The following VARS1 variants were observed in gnomAD, a reference collection of about 807,000 sequenced individuals.
VARS1 encodes the protein valyl-tRNA synthetase 1, also known as valine--tRNA ligase.
In VARS1, 92 loss-of-function variants were observed where a neutral mutation model predicts 161.0. The ratio of observed to expected loss-of-function variants is 0.57; its 90% CI spans 0.48 to 0.68. The LOEUF (loss-of-function observed/expected upper bound fraction) is 0.68, where lower values mean the gene tolerates loss of function less well. VARS1 is among the 30% of genes least tolerant of loss of function. VARS1 has a pLI of 0.00. For synonymous variants in VARS1, 595 were observed against 682.5 expected (o/e 0.87, Z 2.00); for missense variants, 1,338 against 1,695.9 (o/e 0.79, Z 3.71).
At chr6:31,783,815 C>G (rs1267135884) in intron 13 of VARS1, among the ~76,000 whole-genome samples, 2 of 152,118 alleles carry the variant, frequency 1.3e-5, no homozygotes, top group African/African-American at 4.8e-5. Context: ...GCACCCGCCA[C>G]TACAACTGGC....
At chr6:31,786,665 CAAAAAAA>C (rs9279417) in intron 8 of VARS1, among the ~76,000 whole-genome samples, 4 of 31,610 alleles carry the variant, frequency 1.3e-4, no homozygotes, top group Admixed American at 9.4e-4. Context: ...GACTCTGTCT[CAAAAAAA>C]AAAAAAAAAA....
Position 31,777,776 on chromosome 6 carries a change from AGAG to A in VARS1, c.3727-117_3727-115del. 1 of 1,281,406 alleles carries A rather than the reference AGAG, an allele frequency of 7.8e-7. No individual in the cohort carries two copies. The highest frequency in any genetic ancestry group is 1.1e-6 in the Non-Finnish European group (1 of 910,048). 79.4% of individuals were successfully genotyped at this position (1,281,406 alleles called of 1,614,324 possible). ...GAGGACCATGGGAGGTCAGTAGCTC[AGAG>A]GAGGCGTGAACCTGGCTGGCCTGGC... On this transcript the variant is annotated intron_variant, in intron 29 of 29. Coordinates refer to ENST00000375663, the MANE Select transcript of VARS1 (RefSeq NM_006295.3). This position sits in a 1 kb window ranked among gnomAD's most constrained non-coding sequence, Gnocchi z 5.8.
In VARS1 at chr6:31,784,490, CCTT is replaced by C. The variant is rs1390779046; in HGVS notation, c.1477_1479del (p.Lys493del). 1 of 1,613,956 alleles carries C rather than the reference CCTT, an allele frequency of 6.2e-7. No homozygotes were observed. The highest frequency in any genetic ancestry group is 1.3e-5 in the African/African-American group (1 of 74,934). ...GAGAGCAGGGTGCGACCTGTCAGCTCCTTCTTATCCACCTGTAAAATGGGTATT... is the reference window on the plus strand; with the variant it reads ...GAGAGCAGGGTGCGACCTGTCAGCTCCTTATCCACCTGTAAAATGGGTATT... On this transcript the variant is annotated inframe_deletion, in exon 12 of 30. Coordinates refer to ENST00000375663, the MANE Select transcript of VARS1 (RefSeq NM_006295.3). This position sits in a 1 kb window ranked among gnomAD's most constrained non-coding sequence, Gnocchi z 6.1.
At position 31,781,672 on chromosome 6, in the gene VARS1, C is replaced by T. The variant is rs1038728929; in HGVS notation, c.2418+19G>A. ...CCTCCAGTCCCCTGTCCCGCCAAGC[C>T]CCGGCCCCAGGAACACACCTGGTTG... is the stretch of plus-strand genomic sequence containing the variant. On this transcript the variant is annotated intron_variant, in intron 20 of 29. Transcript: ENST00000375663. This position sits in a 1 kb window ranked among gnomAD's most constrained non-coding sequence, Gnocchi z 6.8. 6.2e-7 allele frequency: 1 copy of T among 1,612,998 alleles called. No homozygotes were observed.
rs145819686 is a variant in VARS1 at position 31,792,076 on chromosome 6, C to T, written c.872-105G>A. The T allele has an allele frequency of 7.0e-3, 10,248 of 1,458,808 alleles. 63 individuals are homozygous for T. Among genetic ancestry groups the T allele is most frequent in the Non-Finnish European group, 7.7e-3 (8,267 of 1,077,894 alleles). 90.4% of individuals were successfully genotyped at this position (1,458,808 alleles called of 1,614,324 possible). On this transcript the variant is annotated intron_variant, in intron 6 of 29. Transcript: ENST00000375663. ...GATCTCCGTCACTCACATCATAGGA[C>T]AGGCATTTGAGGGGCCTAGAGGCAG...
In VARS1 at chr6:31,781,894, G is replaced by A; in HGVS notation, c.2300C>T (p.Ala767Val). Residue 767 changes from alanine (A) to valine (V), a missense_variant, in exon 19 of 30, where the codon GCA becomes GTA. Ala to Val is a moderately conservative substitution (Grantham distance 64). Transcript: ENST00000375663. The surrounding 1 kb of genome is among the most constrained non-coding windows in gnomAD (Gnocchi z 6.8). ...GRNEAEAREK[A>V]AKEFGVSPDK... is the part of the protein sequence containing the mutation. The stretch of plus-strand genomic sequence containing the variant: ...AGGGGACACTCCGAACTCCTTGGCT[G>A]CCTTCTCCCGGGCCTCCGCCTCATT... The A allele has an allele frequency of 5.6e-6, 9 of 1,612,956 alleles. No individual in the cohort carries two copies. The highest frequency in any genetic ancestry group is 7.6e-6 in the Non-Finnish European group (9 of 1,180,026).
chr6:31,781,343 T>A lies in VARS1; in HGVS notation c.2544+138A>T. 2 of 1,392,068 alleles carry A rather than the reference T, an allele frequency of 1.4e-6. No homozygotes were observed. The highest frequency in any genetic ancestry group is 1.9e-6 in the Non-Finnish European group (2 of 1,037,230). 86.2% of individuals were successfully genotyped at this position (1,392,068 alleles called of 1,614,324 possible). A position where few individuals can be genotyped will look rare whatever the true frequency, so the allele number is the denominator to read the frequency against. On this transcript the variant is annotated intron_variant, in intron 21 of 29. Coordinates refer to ENST00000375663, the MANE Select transcript of VARS1 (RefSeq NM_006295.3). This position sits in a 1 kb window ranked among gnomAD's most constrained non-coding sequence, Gnocchi z 6.8. The stretch of plus-strand genomic sequence containing the variant: ...ATCACTGAGCAGGGCCCAGGCTGGA[T>A]TTCAACCCCACACCAGCCCCCGGGT...
chr6:31,790,032 A>T (rs954125595), intron 8 of VARS1, among the ~76,000 whole-genome samples: 4 of 151,768 alleles, frequency 2.6e-5, no homozygotes, highest in African/African-American at 9.7e-5. Context: ...CCCGTCTCAA[A>T]AAATAAATAA....
At chr6:31,790,489 C>G (rs981210376) in intron 8 of VARS1, among the ~76,000 whole-genome samples, 3 of 150,004 alleles carry the variant, frequency 2.0e-5, no homozygotes, top group African/African-American at 7.4e-5. Context: ...GTAATGCCAG[C>G]TACTTGGGAG....
rs573053563 is a variant in VARS1, at chr6:31,782,133, G to A, written c.2195C>T (p.Pro732Leu). 1 of 1,613,876 alleles carries A rather than the reference G, an allele frequency of 6.2e-7. No homozygotes were observed. Among genetic ancestry groups the A allele is most frequent in the African/African-American group, 1.3e-5 (1 of 74,934 alleles). The change falls in exon 18 of 30, where the codon CCA becomes CTA. Residue 732 changes from proline to leucine, a missense_variant. By Grantham distance (98) the Pro-to-Leu change is moderately conservative (BLOSUM62 -3). This residue lies in a region of VARS1 where 902 missense variants were observed against 1,090.3 expected (regional missense o/e 0.83). Transcript: ENST00000375663. The surrounding 1 kb of genome is among the most constrained non-coding windows in gnomAD (Gnocchi z 8.3). ...SRQLWWGHRI[P>L]AYFVTVSDPA... ...GTCACTGACAGTGACAAAGTAGGCT[G>A]GGATGCGATGGCCCCACCACAGCTG...
At position 31,780,624 on chromosome 6, in the gene VARS1, C is replaced by T; in HGVS notation, c.2798-56G>A. Reference sequence around the variant, plus strand: ...CACCCTCTTCCCAGCCCATGCCCACCAGAGGCTCAGGGTGGAGAAGAGGGA... The same window carrying T: ...CACCCTCTTCCCAGCCCATGCCCACTAGAGGCTCAGGGTGGAGAAGAGGGA... On this transcript the variant is annotated intron_variant, in intron 24 of 29. Transcript: ENST00000375663. This position sits in a 1 kb window ranked among gnomAD's most constrained non-coding sequence, Gnocchi z 5.1. The T allele has an allele frequency of 1.2e-6, 2 of 1,611,054 alleles. No homozygotes were observed. Among genetic ancestry groups the T allele is most frequent in the East Asian group, 2.2e-5 (1 of 44,792 alleles).
In VARS1 at chr6:31,779,908, G is replaced by A; in HGVS notation, c.3081+90C>T. 1.2e-6 allele frequency: 2 copies of A among 1,602,576 alleles called. No homozygotes were observed. The highest frequency in any genetic ancestry group is 1.7e-6 in the Non-Finnish European group (2 of 1,173,944). On this transcript the variant is annotated intron_variant, in intron 26 of 29. Coordinates refer to ENST00000375663, the MANE Select transcript of VARS1 (RefSeq NM_006295.3). This position sits in a 1 kb window ranked among gnomAD's most constrained non-coding sequence, Gnocchi z 9.1. ...ACTGGGAAGGGGATGGGTTGGCTTA[G>A]GTCTCAAGGCCAACTCTGGCAAAAC...
At position 31,782,350 on chromosome 6, in the gene VARS1, C is replaced by T. The variant is rs778373376; in HGVS notation, c.2085G>A (p.Arg695=). 1.4e-4 allele frequency: 230 copies of T among 1,612,778 alleles called. No homozygotes were observed. Among genetic ancestry groups the T allele is most frequent in the Non-Finnish European group, 1.8e-4 (211 of 1,179,964 alleles). ...CCTCAGGCAGGATGCGGAGGTCACCCCGAGTCACAGCGGCGCTGGCAGCCT... is the reference window on the plus strand; with the variant it reads ...CCTCAGGCAGGATGCGGAGGTCACCTCGAGTCACAGCGGCGCTGGCAGCCT... ...MAQAASAAVT[R]GDLRILPEAH... is the part of the protein sequence containing the mutation. The change falls in exon 17 of 30, where the codon CGG becomes CGA. Residue 695 remains arginine (R), a synonymous_variant. Coordinates refer to ENST00000375663, the MANE Select transcript of VARS1 (RefSeq NM_006295.3). This position sits in a 1 kb window ranked among gnomAD's most constrained non-coding sequence, Gnocchi z 8.3.
At position 31,779,590 on chromosome 6, in the gene VARS1, C is replaced by T. The variant is rs747943744; in HGVS notation, c.3288+18G>A. ...CCTGGAGGGCAGGTCAGACTCCCCTCTCCAGGCCATGCCATACCTCTGAGG... is the reference window on the plus strand; with the variant it reads ...CCTGGAGGGCAGGTCAGACTCCCCTTTCCAGGCCATGCCATACCTCTGAGG... On this transcript the variant is annotated intron_variant, in intron 27 of 29. Transcript: ENST00000375663. This position sits in a 1 kb window ranked among gnomAD's most constrained non-coding sequence, Gnocchi z 9.1. 18 of 1,611,772 alleles carry T rather than the reference C, an allele frequency of 1.1e-5. No homozygotes were observed. In the Admixed American group the frequency reaches 2.8e-4, roughly 25 times the overall value.
Position 31,785,532 on chromosome 6 carries a change from C to G in VARS1, c.1265+37G>C, listed in dbSNP as rs1813439214. On this transcript the variant is annotated intron_variant, in intron 9 of 29. Coordinates refer to ENST00000375663, the MANE Select transcript of VARS1 (RefSeq NM_006295.3). The surrounding 1 kb of genome is among the most constrained non-coding windows in gnomAD (Gnocchi z 6.1). ...GTCTTCTGGATAGGGGACAGGGAGG[C>G]AGGGCTGCGATGCCCACAGGGATGC... is the stretch of plus-strand genomic sequence containing the variant. 6.4e-7 allele frequency: 1 copy of G among 1,558,710 alleles called. No homozygotes were observed.
rs1336685414 is a variant in VARS1, at chr6:31,780,541, C to T, written c.2825G>A (p.Arg942Gln). ...GCAGAAGTGGCGGTAACCCAGTATCCGGTTCACATCCAGGTTGATGTCACG... is the reference window on the plus strand; with the variant it reads ...GCAGAAGTGGCGGTAACCCAGTATCTGGTTCACATCCAGGTTGATGTCACG... ...QGRDINLDVN[R>Q]ILGYRHFCNK... The change falls in exon 25 of 30, where the codon CGG (arginine) becomes CAG (glutamine). Residue 942 changes from arginine to glutamine, a missense_variant. Coordinates refer to ENST00000375663, the MANE Select transcript of VARS1 (RefSeq NM_006295.3). The surrounding 1 kb of genome is among the most constrained non-coding windows in gnomAD (Gnocchi z 5.1). The T allele has an allele frequency of 1.1e-5, 18 of 1,613,822 alleles. No individual in the cohort carries two copies. Among genetic ancestry groups the T allele is most frequent in the Non-Finnish European group, 1.4e-5 (17 of 1,179,976 alleles).
At position 31,777,724 on chromosome 6, in the gene VARS1, C is replaced by A; in HGVS notation, c.3727-62G>T. The A allele has an allele frequency of 5.1e-6, 8 of 1,568,922 alleles. No homozygotes were observed. The highest frequency in any genetic ancestry group is 6.9e-6 in the Non-Finnish European group (8 of 1,152,070). ...CCAAGTGAAGAGACCCCCAAACACC[C>A]AGGACAACAAAGTTGGAAAGATGAG... On this transcript the variant is annotated intron_variant, in intron 29 of 29. Coordinates refer to ENST00000375663, the MANE Select transcript of VARS1 (RefSeq NM_006295.3). This position sits in a 1 kb window ranked among gnomAD's most constrained non-coding sequence, Gnocchi z 5.8.
In VARS1 at chr6:31,792,267, T is replaced by C; in HGVS notation, c.821A>G (p.Asp274Gly). 1 of 1,613,970 alleles carries C rather than the reference T, an allele frequency of 6.2e-7. No homozygotes were observed. The highest frequency in any genetic ancestry group is 8.5e-7 in the Non-Finnish European group (1 of 1,179,996). The change falls in exon 6 of 30, where the codon GAT becomes GGT. Residue 274 changes from aspartate to glycine, a missense_variant. Transcript: ENST00000375663. ...KPKPEKREKR[D>G]PGVITYDLPT... ...GAGGTCATAGGTAATGACCCCAGGA[T>C]CCCGTTTCTCCCTCTTCTCTGGTTT... is the stretch of plus-strand genomic sequence containing the variant.
In VARS1 at chr6:31,785,854, G is replaced by A. The variant is rs967895609; in HGVS notation, c.1101-121C>T. The A allele has an allele frequency of 2.6e-5, 33 of 1,283,072 alleles. No homozygotes were observed. Among genetic ancestry groups the A allele is most frequent in the African/African-American group, 2.6e-4 (17 of 66,374 alleles). The allele number at this position is 1,283,072 out of a possible 1,614,324, so 79.5% of individuals were successfully genotyped here. A position where few individuals can be genotyped will look rare whatever the true frequency, so the allele number is the denominator to read the frequency against. On this transcript the variant is annotated intron_variant, in intron 8 of 29. Coordinates refer to ENST00000375663, the MANE Select transcript of VARS1 (RefSeq NM_006295.3). This position sits in a 1 kb window ranked among gnomAD's most constrained non-coding sequence, Gnocchi z 6.1. ...ATAAAGAAGCAGGGAGGCCGGACGC[G>A]GTGGCTCACGCCTGTAATCCCAGAA...
Sources: gnomAD v4.1 joint callset for allele counts (sites outside exome capture counted in the v4.1 genomes callset) on GRCh38, gnomAD v4.1.1 for gene constraint, gnomAD v4.1.1 regional missense constraint, Gnocchi (gnomAD v3.1) non-coding constraint, MANE v1.5 for transcripts, NCBI Gene and HGNC (gene_info 2026-07-23, HGNC 2026-07-21) for gene names.